SGPL1: variants seen among roughly 807,000 people sequenced by gnomAD.
SGPL1 encodes SP-lyase 1.
SGPL1 carries 37 observed loss-of-function variants against 68.9 expected under a neutral mutation model. That is an observed-to-expected ratio of 0.54 (90% confidence interval 0.41 to 0.71). The LOEUF (loss-of-function observed/expected upper bound fraction) is 0.71, where lower values mean the gene tolerates loss of function less well. SGPL1 is among the 30% of genes least tolerant of loss of function. The pLI, the probability that SGPL1 is intolerant of heterozygous loss-of-function variation, is 0.00. For synonymous variants in SGPL1, 236 were observed against 248.5 expected (o/e 0.95, Z 0.47); for missense variants, 551 against 704.6 (o/e 0.78, Z 2.47).
At chr10:70,877,110 C>T (rs936817125) in intron 14 of SGPL1, 85 bp from the exon 15 acceptor site, 6 of 1,381,356 alleles carry the variant, frequency 4.3e-6, no homozygotes, top group Admixed American at 1.7e-5. Flanking sequence ...AGCTAGGACT[C>T]GGGGAGAAGG....
intron 11 of SGPL1, among the ~76,000 whole-genome samples, chr10:70,872,587 C>T (rs1846315353): frequency 6.6e-6 from 1 of 152,218 alleles, no homozygotes. Flanking sequence ...TTAGCAGCCT[C>T]AGGAATGTGT....
At chr10:70,863,598 A>G (rs12779361) in intron 7 of SGPL1, among the ~76,000 whole-genome samples, 18,101 of 152,060 alleles carry the variant, frequency 0.12, 1,344 homozygotes, top group Non-Finnish European at 0.17. Flanking sequence ...AAGATTTGTC[A>G]TACCTTTTTG....
chr10:70,842,746 A>G (rs1164864597), intron 2 of SGPL1, among the ~76,000 whole-genome samples: 5 of 152,162 alleles, frequency 3.3e-5, no homozygotes, highest in Non-Finnish European at 5.9e-5. Context: ...CGGGAATCAC[A>G]TTTCAACATG....
rs914307138 is a variant in SGPL1, at chr10:70,878,972, T to A, written c.*1637T>A. 1.3e-5 allele frequency: 2 copies of A among 152,762 alleles called. No individual in the cohort carries two copies. Among genetic ancestry groups the A allele is most frequent in the South Asian group, 2.1e-4 (1 of 4,830 alleles). The allele number at this position is 152,762 out of a possible 1,614,324, so 9.5% of individuals were successfully genotyped here. A position where few individuals can be genotyped will look rare whatever the true frequency, so the allele number is the denominator to read the frequency against. ...CCAGACCCTGCGCCTATTTCCTGCC[T>A]TCTTTCCCCTATAGGGAACTCTGTA... On this transcript the variant is annotated 3_prime_UTR_variant, in exon 15 of 15. Transcript: ENST00000373202.
chr10:70,876,136 A>G (rs1846380470), intron 13 of SGPL1, among the ~76,000 whole-genome samples: 1 of 152,158 alleles, frequency 6.6e-6, no homozygotes, highest in South Asian at 2.1e-4. Context: ...GCGAGGTAGA[A>G]TTTCTTCTGT....
intron 9 of SGPL1, 132 bp downstream of exon 9, chr10:70,870,029 A>C: frequency 3.1e-6 from 2 of 636,276 alleles, no homozygotes; most frequent in Non-Finnish European, 2.8e-6. Flanking sequence ...GAAAAACTGC[A>C]TTGATAGTGG....
At chr10:70,842,705 G>A (rs570170601) in intron 2 of SGPL1, among the ~76,000 whole-genome samples, 1 of 152,262 alleles carries the variant, frequency 6.6e-6, no homozygotes, top group Admixed American at 6.5e-5. Context: ...CCGTGATCCA[G>A]TCATCTCCCA....
intron 3 of SGPL1, among the ~76,000 whole-genome samples, chr10:70,849,646 G>A (rs1845847627): frequency 6.6e-6 from 1 of 152,220 alleles, no homozygotes; most frequent in Non-Finnish European, 1.5e-5. Context: ...GGCATGATGT[G>A]ATAGATACAA....
chr10:70,871,843 G>A lies in SGPL1; in HGVS notation c.916G>A (p.Val306Ile), dbSNP rs762455684. ...DPVPEVAKLA[V>I]KYKIPLHVDA... ...CTTTGTTTTTTGGAACAAGCTGGCT[G>A]TCAAATACAAAATACCCCTTCATGT... The change falls in exon 11 of 15, where the codon GTC (valine) becomes ATC (isoleucine). Residue 306 changes from valine to isoleucine, a missense_variant. By Grantham distance (29) the Val-to-Ile change is conservative. Transcript: ENST00000373202. 6.2e-7 allele frequency: 1 copy of A among 1,613,316 alleles called. No individual in the cohort carries two copies. The highest frequency in any genetic ancestry group is 8.5e-7 in the Non-Finnish European group (1 of 1,179,796).
Position 70,873,558 on chromosome 10 carries a change from A to T in SGPL1, c.1267A>T (p.Ile423Phe). ...ENGYVEATKQIIKTARFLKSE... is the reference protein window; with the variant it reads ...ENGYVEATKQFIKTARFLKSE... ...CGGCTATGTTGAAGCTACCAAACAG[A>T]TCATCAAAACTGCTCGCTTCCTCAA... is the stretch of plus-strand genomic sequence containing the variant. Residue 423 changes from isoleucine to phenylalanine, a missense_variant, in exon 12 of 15, where the codon ATC (isoleucine) becomes TTC (phenylalanine). Coordinates refer to ENST00000373202, the MANE Select transcript of SGPL1 (RefSeq NM_003901.4). The T allele has an allele frequency of 6.2e-7, 1 of 1,614,058 alleles. No homozygotes were observed. The highest frequency in any genetic ancestry group is 2.2e-5 in the East Asian group (1 of 44,886).
At chr10:70,823,437 T>C (rs1384651625) in intron 2 of SGPL1, among the ~76,000 whole-genome samples, 1 of 151,724 alleles carries the variant, frequency 6.6e-6, no homozygotes, top group Non-Finnish European at 1.5e-5. Context: ...TATAAATGTT[T>C]AGTACCAACC....
intron 2 of SGPL1, among the ~76,000 whole-genome samples, chr10:70,829,804 A>G (rs926897423): frequency 7.2e-5 from 11 of 152,186 alleles, no homozygotes; most frequent in African/African-American, 2.7e-4. Flanking sequence ...CCGCAAGAGT[A>G]GTGGTGAGGT....
chr10:70,871,719 G>A (rs1160546711), intron 10 of SGPL1, 118 bp from the exon 11 acceptor site: 4 of 862,350 alleles, frequency 4.6e-6, no homozygotes, highest in Non-Finnish European at 7.1e-6. Flanking sequence ...TTAAAAACAT[G>A]GGAGGCATAA....
intron 7 of SGPL1, among the ~76,000 whole-genome samples, chr10:70,866,861 T>C (rs988354225): frequency 6.6e-6 from 1 of 152,250 alleles, no homozygotes; most frequent in African/African-American, 2.4e-5. Context: ...ATATAACTCC[T>C]GGCCACAGGG....
intron 2 of SGPL1, among the ~76,000 whole-genome samples, chr10:70,837,699 C>T (rs962332331): frequency 2.0e-5 from 3 of 152,170 alleles, no homozygotes; most frequent in Non-Finnish European, 4.4e-5. Context: ...TGAGGGACTA[C>T]CTGAATGGAG....
Position 70,876,611 on chromosome 10 carries a change from G to A in SGPL1, c.1516G>A (p.Glu506Lys). Reference protein sequence around the residue: ...VAIQFLKDIRESVTQIMKNPK... With the variant: ...VAIQFLKDIRKSVTQIMKNPK... ...TATACAATTCCTAAAGGACATTCGA[G>A]AATCTGTCACTCAAATCATGAAGAA... is the stretch of plus-strand genomic sequence containing the variant. Residue 506 changes from glutamate (E) to lysine (K), a missense_variant, in exon 14 of 15, where the codon GAA becomes AAA. By Grantham distance (56) the Glu-to-Lys change is moderately conservative. Coordinates refer to ENST00000373202, the MANE Select transcript of SGPL1 (RefSeq NM_003901.4). The A allele has an allele frequency of 6.2e-7, 1 of 1,613,592 alleles. No individual in the cohort carries two copies. The highest frequency in any genetic ancestry group is 2.2e-5 in the East Asian group (1 of 44,880).
rs779485098 is a variant in SGPL1 at position 70,873,538 on chromosome 10, A to G, written c.1247A>G (p.Tyr416Cys). ...AALMHFGENG[Y>C]VEATKQIIKT... is the part of the protein sequence containing the mutation. Reference sequence around the variant, plus strand: ...TTGATGCACTTCGGTGAGAACGGCTATGTTGAAGCTACCAAACAGATCATC... The same window carrying G: ...TTGATGCACTTCGGTGAGAACGGCTGTGTTGAAGCTACCAAACAGATCATC... The change falls in exon 12 of 15, where the codon TAT (tyrosine) becomes TGT (cysteine). Residue 416 changes from tyrosine (Y) to cysteine (C), a missense_variant. Physicochemically the swap from Tyr to Cys is radical, Grantham distance 194. Coordinates refer to ENST00000373202, the MANE Select transcript of SGPL1 (RefSeq NM_003901.4). 5.6e-6 allele frequency: 9 copies of G among 1,614,098 alleles called. No individual in the cohort carries two copies. Among genetic ancestry groups the G allele is most frequent in the Admixed American group, 5.0e-5 (3 of 60,016 alleles).
chr10:70,865,567 C>T (rs1846170858), intron 7 of SGPL1, among the ~76,000 whole-genome samples: 1 of 152,226 alleles, frequency 6.6e-6, no homozygotes, highest in Admixed American at 6.5e-5. Flanking sequence ...CTTCTTACTT[C>T]TCTCTCTGGA....
intron 2 of SGPL1, among the ~76,000 whole-genome samples, chr10:70,822,790 T>G (rs1845363347): frequency 7.1e-6 from 1 of 141,502 alleles, no homozygotes; most frequent in African/African-American, 2.6e-5. Flanking sequence ...AGAGCCATTA[T>G]CACTCTTTTT....
Sources: allele counts gnomAD v4.1 joint callset (sites outside exome capture counted in the v4.1 genomes callset), GRCh38; gene constraint gnomAD v4.1.1; transcripts MANE v1.5; gene names NCBI Gene and HGNC (gene_info 2026-07-23, HGNC 2026-07-21).